The following ARAP2 variants were observed in gnomAD, a reference collection of about 807,000 sequenced individuals.
ARAP2 encodes the protein ArfGAP with RhoGAP domain, ankyrin repeat and PH domain 2.
A neutral mutation model predicts 194.5 loss-of-function variants in ARAP2; 148 were observed. The observed-to-expected ratio is 0.76, with a 90% CI of 0.67 to 0.87. The LOEUF is 0.87. Among genes scored for constraint, ARAP2 ranks in the 40% least tolerant of loss-of-function variants. The pLI is 0.00. For synonymous variants in ARAP2, 695 were observed against 683.5 expected, an observed-to-expected ratio of 1.02 and a Z score of -0.26; for missense variants, 2,128 against 1,989.7, an observed-to-expected ratio of 1.07 and a Z score of -1.32.
Position 36,066,782 on chromosome 4 carries a change from C to A in ARAP2, c.*1125G>T, listed in dbSNP as rs1260883960. ...TCATAAGTACAGGGAAGAGACCACA[C>A]CTTTACTTAAAAAAAGAAAAAAAAA... is the stretch of plus-strand genomic sequence containing the variant. On this transcript the variant is annotated 3_prime_UTR_variant, in exon 33 of 33. Coordinates refer to ENST00000303965, the MANE Select transcript of ARAP2 (RefSeq NM_015230.4). 1 of 151,892 alleles carries A rather than the reference C, an allele frequency of 6.6e-6. No individual in the cohort carries two copies. Among genetic ancestry groups the A allele is most frequent in the Non-Finnish European group, 1.5e-5 (1 of 68,002 alleles). 9.4% of individuals were successfully genotyped at this position (151,892 alleles called of 1,614,324 possible).
At chr4:36,243,336 A>G (rs1164611365) in intron 1 of ARAP2, among the ~76,000 whole-genome samples, 2 of 144,516 alleles carry the variant, frequency 1.4e-5, no homozygotes, top group Non-Finnish European at 3.0e-5. Flanking sequence ...TTTTTTTTAA[A>G]CCGAAGGCTG....
intron 1 of ARAP2, among the ~76,000 whole-genome samples, chr4:36,240,173 T>C (rs893165911): frequency 6.6e-6 from 1 of 152,226 alleles, no homozygotes; most frequent in Non-Finnish European, 1.5e-5. Flanking sequence ...TAAGAATACC[T>C]GACATGAGTT....
chr4:36,089,136 C>G (rs927168261), intron 28 of ARAP2, among the ~76,000 whole-genome samples: 1 of 152,076 alleles, frequency 6.6e-6, no homozygotes, highest in African/African-American at 2.4e-5. Context: ...CTGCAGCAAA[C>G]TCTGTCCCCA....
At chr4:36,047,017 G>A (rs1721941148) in intron 3 of ARAP2, 1 of 152,218 alleles carries the variant, frequency 6.6e-6, no homozygotes, top group Non-Finnish European at 1.5e-5. Flanking sequence ...TCCCATCCAT[G>A]TTTGCTGCAC....
At chr4:36,107,058 G>A (rs991269793) in intron 27 of ARAP2, among the ~76,000 whole-genome samples, 8 of 152,006 alleles carry the variant, frequency 5.3e-5, no homozygotes, top group African/African-American at 1.7e-4. Flanking sequence ...TTAATTAACC[G>A]TACATGAGCA....
intron 2 of ARAP2, among the ~76,000 whole-genome samples, chr4:36,226,411 G>A (rs1321622860): frequency 1.3e-5 from 2 of 152,106 alleles, no homozygotes; most frequent in Admixed American, 6.6e-5. Flanking sequence ...AGCAGAAGAT[G>A]AAATTCCCCT....
intron 27 of ARAP2, among the ~76,000 whole-genome samples, chr4:36,101,195 G>C (rs1020575363): frequency 6.6e-6 from 1 of 151,852 alleles, no homozygotes; most frequent in Non-Finnish European, 1.5e-5. Flanking sequence ...TGGTATCCAC[G>C]ACAAGCAGGT....
At chr4:36,128,127 A>C (rs184504280) in intron 21 of ARAP2, among the ~76,000 whole-genome samples, 1 of 152,124 alleles carries the variant, frequency 6.6e-6, no homozygotes, top group East Asian at 1.9e-4. Context: ...AGAACACATA[A>C]TAGAAGAAAC....
At chr4:36,162,127 T>G (rs928000014) in intron 11 of ARAP2, among the ~76,000 whole-genome samples, 2 of 97,124 alleles carry the variant, frequency 2.1e-5, no homozygotes, top group African/African-American at 8.8e-5. Context: ...AAAAAAGAAC[T>G]ACACTTACTT....
At chr4:36,057,702 A>C (rs1187859401) in intron 2 of ARAP2, among the ~76,000 whole-genome samples, 1 of 152,050 alleles carries the variant, frequency 6.6e-6, no homozygotes, top group African/African-American at 2.4e-5. Flanking sequence ...ATTTTTTAAA[A>C]TTCCAATTCT....
At chr4:36,177,600 A>G (rs1049018756) in intron 9 of ARAP2, among the ~76,000 whole-genome samples, 4 of 152,150 alleles carry the variant, frequency 2.6e-5, no homozygotes, top group African/African-American at 9.7e-5. Flanking sequence ...TACTTCCTCA[A>G]TACCACAAAA....
chr4:36,102,635 G>A (rs78726990), intron 27 of ARAP2, among the ~76,000 whole-genome samples: 4 of 151,966 alleles, frequency 2.6e-5, no homozygotes, highest in African/African-American at 9.7e-5. Context: ...CTACTTTTCT[G>A]TGATTGAAAG....
intron 7 of ARAP2, among the ~76,000 whole-genome samples, chr4:36,189,344 G>A (rs1182514919): frequency 6.6e-6 from 1 of 152,146 alleles, no homozygotes; most frequent in Non-Finnish European, 1.5e-5. Context: ...TACATATAAA[G>A]TATAATGACC....
chr4:36,028,117 A>G (rs528774479), intron 5 of ARAP2, among the ~76,000 whole-genome samples: 31 of 152,246 alleles, frequency 2.0e-4, no homozygotes, highest in African/African-American at 7.2e-4. Flanking sequence ...ACAGAATTTT[A>G]CTCGCTAATG....
intron 12 of ARAP2, 68 bp from the exon 13 acceptor site, chr4:36,160,709 T>A (rs752810444): frequency 4.3e-5 from 52 of 1,204,086 alleles, no homozygotes; most frequent in Non-Finnish European, 5.3e-5. Flanking sequence ...TGCAGGAAAC[T>A]GAATTATATT....
intron 19 of ARAP2, 58 bp from the exon 20 acceptor site, chr4:36,133,447 C>G: frequency 1.4e-6 from 2 of 1,468,514 alleles, no homozygotes; most frequent in Non-Finnish European, 1.9e-6. Context: ...AAAAATCTTA[C>G]TCCAAGACAG....
At chr4:36,144,338 A>G (rs1201488566) in intron 19 of ARAP2, among the ~76,000 whole-genome samples, 2 of 151,892 alleles carry the variant, frequency 1.3e-5, no homozygotes, top group Non-Finnish European at 2.9e-5. Context: ...AGCAGTTAGT[A>G]GGCATTCCAT....
intron 2 of ARAP2, among the ~76,000 whole-genome samples, chr4:36,052,648 A>G (rs1192799758): frequency 6.6e-6 from 1 of 152,210 alleles, no homozygotes; most frequent in East Asian, 1.9e-4. Flanking sequence ...GAACACCCCA[A>G]AATTCACTAC....
At chr4:36,162,534 CTT>C in intron 11 of ARAP2, among the ~76,000 whole-genome samples, 1 of 150,934 alleles carries the variant, frequency 6.6e-6, no homozygotes, top group Non-Finnish European at 1.5e-5. Flanking sequence ...TATCCTTGAT[CTT>C]AAGGGCCCTT....
Sources: gnomAD v4.1 joint callset for allele counts (sites outside exome capture counted in the v4.1 genomes callset) on GRCh38, gnomAD v4.1.1 for gene constraint, MANE v1.5 for transcripts, NCBI Gene and HGNC (gene_info 2026-07-23, HGNC 2026-07-21) for gene names.